The following DMD variants were observed in gnomAD, a reference collection of about 807,000 sequenced individuals.
DMD encodes the protein mutant dystrophin.
DMD carries 63 observed loss-of-function variants against 330.1 expected under a neutral mutation model. The observed-to-expected ratio is 0.19, with a 90% confidence interval of 0.16 to 0.24. DMD has a LOEUF of 0.24. Among genes scored for constraint, DMD ranks in the 10% least tolerant of loss-of-function variants. The probability of loss-of-function intolerance (pLI) is 1.00; values close to 1 mark genes in which losing one functional copy is unlikely to be tolerated. For missense variants in DMD, 3,344 were observed against 2,684.1 expected, an observed-to-expected ratio of 1.25 and a Z score of -5.43; for synonymous variants, 1,223 against 959.8, an observed-to-expected ratio of 1.27 and a Z score of -5.07.
At chrX:32,637,672 G>T (rs2059191153) in intron 11 of DMD, among the ~76,000 whole-genome samples, 1 of 111,544 alleles carries the variant, frequency 9.0e-6, no homozygotes, top group East Asian at 2.8e-4. Flanking sequence ...AAATCATGAT[G>T]GAAGGGGAAG....
intron 44 of DMD, among the ~76,000 whole-genome samples, chrX:32,208,894 C>A (rs1340039106): frequency 9.0e-6 from 1 of 111,372 alleles, no homozygotes; most frequent in Non-Finnish European, 1.9e-5. Context: ...GTGCTCTGTA[C>A]ACAGAAGAGG....
At chrX:32,528,280 G>A (rs2047111042) in intron 17 of DMD, among the ~76,000 whole-genome samples, 1 of 110,577 alleles carries the variant, frequency 9.0e-6, no homozygotes, top group South Asian at 3.9e-4. Context: ...CTACATTCCA[G>A]CCTGGGCAAC....
At chrX:32,481,650 G>T (rs1331447505) in intron 21 of DMD, among the ~76,000 whole-genome samples, 1 of 111,279 alleles carries the variant, frequency 9.0e-6, no homozygotes, top group Non-Finnish European at 1.9e-5. Context: ...TTCTCCTAAT[G>T]TCCTTTCTCC....
Position 32,545,213 on chromosome X carries a change from G to A in DMD, c.2114C>T (p.Pro705Leu). The A allele has an allele frequency of 8.3e-7, 1 of 1,210,668 alleles. No individual in the cohort carries two copies. The highest frequency in any genetic ancestry group is 3.0e-5 in the East Asian group (1 of 33,807). Residue 705 changes from proline to leucine, a missense_variant, in exon 17 of 79, where the codon CCA becomes CTA. Coordinates refer to ENST00000357033, the MANE Select transcript of DMD (RefSeq NM_004006.3). ...CTGCCTCTTCTTTTGGGGAGGTGGT[G>A]GTGGAAGTTCCTCTTGAGCATGCTT... ...LVKHAQEELP[P>L]PPPQKKRQIT...
At chrX:31,436,295 G>A (rs2064525296) in intron 60 of DMD, among the ~76,000 whole-genome samples, 1 of 111,735 alleles carries the variant, frequency 8.9e-6, no homozygotes, top group African/African-American at 3.2e-5. Flanking sequence ...AATGATTTGG[G>A]TTCACTTTAT....
chrX:31,467,092 C>T (rs1359555724), intron 59 of DMD, among the ~76,000 whole-genome samples: 1 of 111,889 alleles, frequency 8.9e-6, no homozygotes, highest in Non-Finnish European at 1.9e-5. Flanking sequence ...TCTAAATATA[C>T]AATCATGTCA....
chrX:32,313,918 A>G (rs1301539621), intron 41 of DMD, among the ~76,000 whole-genome samples: 2 of 111,718 alleles, frequency 1.8e-5, no homozygotes, highest in Non-Finnish European at 3.8e-5. Flanking sequence ...AAATGGAAAA[A>G]CATTCCATGC....
At chrX:32,596,644 C>A (rs1328785365) in intron 12 of DMD, among the ~76,000 whole-genome samples, 1 of 110,523 alleles carries the variant, frequency 9.0e-6, no homozygotes, top group Non-Finnish European at 1.9e-5. Flanking sequence ...CTACCGGGTT[C>A]AAGGGATTCT....
chrX:32,668,185 TC>T (rs1453661414), intron 9 of DMD, among the ~76,000 whole-genome samples: 2 of 111,391 alleles, frequency 1.8e-5, no homozygotes, highest in African/African-American at 6.5e-5. Flanking sequence ...GACATACATT[TC>T]ATCTCAGAGC....
chrX:31,633,189 A>T (rs2079222291), intron 54 of DMD, among the ~76,000 whole-genome samples: 1 of 112,230 alleles, frequency 8.9e-6, no homozygotes, highest in South Asian at 3.7e-4. Context: ...ACAGCATGGA[A>T]GATAATTTTT....
intron 63 of DMD, among the ~76,000 whole-genome samples, chrX:31,237,690 T>A (rs190123861): frequency 8.9e-6 from 1 of 111,987 alleles, no homozygotes; most frequent in Admixed American, 9.4e-5. Context: ...GAACCAATAT[T>A]ACCGGTACTC....
chrX:32,596,025 T>G, intron 12 of DMD, 149 bp from the exon 13 acceptor site: 1 of 513,404 alleles, frequency 1.9e-6, no homozygotes, highest in Non-Finnish European at 3.4e-6. Context: ...GCCAATTTTC[T>G]GCTATGACGC....
intron 44 of DMD, among the ~76,000 whole-genome samples, chrX:31,987,331 A>G (rs772546857): frequency 2.7e-5 from 3 of 111,625 alleles, no homozygotes; most frequent in South Asian, 3.8e-4. Context: ...CCGTTTTGAG[A>G]TACGCAATAC....
intron 78 of DMD, among the ~76,000 whole-genome samples, chrX:31,123,454 C>A (rs1484323002): frequency 1.8e-5 from 2 of 112,119 alleles, no homozygotes; most frequent in Non-Finnish European, 3.8e-5. Flanking sequence ...GAACTGAAAT[C>A]ATTTTTGGCT....
intron 54 of DMD, among the ~76,000 whole-genome samples, chrX:31,649,446 G>A (rs1227252986): frequency 9.0e-6 from 1 of 111,607 alleles, no homozygotes; most frequent in African/African-American, 3.3e-5. Flanking sequence ...TTACTTGAAA[G>A]GAGATGACAT....
intron 76 of DMD, among the ~76,000 whole-genome samples, chrX:31,135,329 G>A (rs1432819128): frequency 9.0e-6 from 1 of 111,617 alleles, no homozygotes; most frequent in Non-Finnish European, 1.9e-5. Context: ...CGAAACTCAA[G>A]TACCTTTAAA....
At chrX:32,979,194 G>A (rs1232711261) in intron 2 of DMD, among the ~76,000 whole-genome samples, 1 of 112,069 alleles carries the variant, frequency 8.9e-6, no homozygotes, top group Non-Finnish European at 1.9e-5. Flanking sequence ...CAGTAAAGTT[G>A]GCTTTGCCAA....
At chrX:32,541,023 C>T (rs1330062662) in intron 17 of DMD, among the ~76,000 whole-genome samples, 2 of 111,300 alleles carry the variant, frequency 1.8e-5, no homozygotes, top group Non-Finnish European at 3.8e-5. Context: ...AGGTTATGGA[C>T]TTGGCAATTC....
chrX:31,843,935 T>C (rs2093364372), intron 48 of DMD, among the ~76,000 whole-genome samples: 1 of 110,421 alleles, frequency 9.1e-6, no homozygotes, highest in Non-Finnish European at 1.9e-5. Context: ...CTGGGCTCAC[T>C]GCAACCTCCG....
Sources: gnomAD v4.1 joint callset for allele counts (sites outside exome capture counted in the v4.1 genomes callset) on GRCh38, gnomAD v4.1.1 for gene constraint, MANE v1.5 for transcripts, NCBI Gene and HGNC (gene_info 2026-07-23, HGNC 2026-07-21) for gene names.